Variants in C1S observed in about 807,000 individuals in gnomAD.
C1S encodes complement C1s.
C1S carries 31 observed loss-of-function variants against 54.0 expected under a neutral mutation model. The observed-to-expected ratio is 0.57, with a 90% CI of 0.43 to 0.78. The LOEUF (loss-of-function observed/expected upper bound fraction) is 0.78, where lower values mean the gene tolerates loss of function less well. Ranked by LOEUF, C1S falls within the 30% of genes least tolerant of loss-of-function variation. The probability of loss-of-function intolerance (pLI) is 0.00; values close to 1 mark genes in which losing one functional copy is unlikely to be tolerated. For synonymous variants in C1S, 292 were observed against 303.6 expected, an observed-to-expected ratio of 0.96 and a Z score of 0.40; for missense variants, 727 against 851.8, an observed-to-expected ratio of 0.85 and a Z score of 1.82.
rs1043492835 is a variant in C1S, at chr12:7,070,027, G to A, written c.1443G>A (p.Arg481=). The A allele has an allele frequency of 8.1e-6, 13 of 1,614,044 alleles. No homozygotes were observed. Among genetic ancestry groups the A allele is most frequent in the Non-Finnish European group, 1.1e-5 (13 of 1,180,048 alleles). The change falls in exon 12 of 12, where the codon AGG becomes AGA. Residue 481 remains arginine, a synonymous_variant. Transcript: ENST00000360817. The surrounding 1 kb of genome is among the most constrained non-coding windows in gnomAD (Gnocchi z 4.9). The part of the protein sequence containing the change: ...LTAAHVVEGN[R]EPTMYVGSTS... ...CTGCTCATGTTGTGGAGGGAAACAG[G>A]GAGCCAACAATGTATGTTGGGTCCA...
chr12:7,067,720 A>G lies in C1S; in HGVS notation c.1144A>G (p.Ile382Val). ...AGAGAGCACTTTGTTTGGTTCTGTC[A>G]TCCGCTACACTTGTGAGGAGCCATA... Reference protein sequence around the residue: ...DPESTLFGSVIRYTCEEPYYY... With the variant: ...DPESTLFGSVVRYTCEEPYYY... The change falls in exon 10 of 12, where the codon ATC (isoleucine) becomes GTC (valine). Residue 382 changes from isoleucine to valine, a missense_variant. Physicochemically the swap from Ile to Val is conservative, Grantham distance 29 (BLOSUM62 3). Around this residue, in one of 3 missense-constraint regions of C1S, gnomAD observed 360 missense variants for 453.6 expected, o/e 0.79. Coordinates refer to ENST00000360817, the MANE Select transcript of C1S (RefSeq NM_001734.5). The G allele has an allele frequency of 6.2e-7, 1 of 1,614,096 alleles. No individual in the cohort carries two copies. The highest frequency in any genetic ancestry group is 1.1e-5 in the South Asian group (1 of 91,078).
At position 7,064,247 on chromosome 12, in the gene C1S, CCT is replaced by C. The variant is rs782184867; in HGVS notation, c.392-17_392-16del. On this transcript the variant is annotated intron_variant, in intron 4 of 11. Transcript: ENST00000360817. ...TCTTGGTGTTTGTTCTTGACCTCAG[CCT>C]CTTTCTACTCTTTGTAGACATAAAT... 1 of 1,613,598 alleles carries C rather than the reference CCT, an allele frequency of 6.2e-7. No homozygotes were observed. The highest frequency in any genetic ancestry group is 1.7e-5 in the Admixed American group (1 of 59,998).
intron 1 of C1S, 110 bp from the exon 2 acceptor site, chr12:7,061,729 C>T (rs1343824218): frequency 5.7e-6 from 4 of 704,316 alleles, no homozygotes; most frequent in Non-Finnish European, 1.1e-5. Flanking sequence ...GGTGATATGG[C>T]CCTGTGTGTT....
chr12:7,064,538 G>T, intron 5 of C1S, 146 bp downstream of exon 5: 1 of 731,944 alleles, frequency 1.4e-6, no homozygotes, highest in Non-Finnish European at 2.1e-6. Flanking sequence ...ATTTATTTAT[G>T]TATTATTTTT....
chr12:7,062,707 A>G (rs1947114590), intron 3 of C1S, 25 bp downstream of exon 3: 1 of 1,601,332 alleles, frequency 6.2e-7, no homozygotes, highest in Non-Finnish European at 8.5e-7. Flanking sequence ...CAAAAAGAAT[A>G]GAGATGGAAG....
At position 7,060,828 on chromosome 12, in the gene C1S, A is replaced by T. The variant is rs182087862; in HGVS notation, c.-124A>T. On this transcript the variant is annotated 5_prime_UTR_variant, in exon 1 of 12. Transcript: ENST00000360817. Reference sequence around the variant, plus strand: ...GCCAGAGGGGTTGCCCAGCATGCCCACTGGCAGGAGAGAGGGAACTGACCC... The same window carrying T: ...GCCAGAGGGGTTGCCCAGCATGCCCTCTGGCAGGAGAGAGGGAACTGACCC... The T allele has an allele frequency of 1.3e-5, 2 of 152,458 alleles. No homozygotes were observed. The highest frequency in any genetic ancestry group is 4.8e-5 in the African/African-American group (2 of 41,580). 9.4% of individuals were successfully genotyped at this position (152,458 alleles called of 1,614,324 possible).
intron 4 of C1S, 109 bp from the exon 5 acceptor site, chr12:7,064,158 T>C: frequency 1.8e-6 from 2 of 1,089,232 alleles, no homozygotes; most frequent in Non-Finnish European, 2.8e-6. Flanking sequence ...GACGGATCTT[T>C]AAGCAATAGG....
intron 7 of C1S, chr12:7,066,202 T>TA: frequency 1.6e-6 from 1 of 610,338 alleles, no homozygotes; most frequent in South Asian, 2.0e-5. Context: ...AACAATAATT[T>TA]AAAAAACAGA....
chr12:7,066,089 G>T, intron 7 of C1S, 119 bp downstream of exon 7: 5 of 937,348 alleles, frequency 5.3e-6, no homozygotes, highest in Non-Finnish European at 8.6e-6. Flanking sequence ...GCTACCGAGG[G>T]AGGCTGAGGC....
chr12:7,067,082 A>G lies in C1S; in HGVS notation c.1031A>G (p.Asn344Ser), dbSNP rs1444240040. The G allele has an allele frequency of 6.2e-7, 1 of 1,612,076 alleles. No individual in the cohort carries two copies. The highest frequency in any genetic ancestry group is 1.3e-5 in the African/African-American group (1 of 74,890). ...TCTTTCTATTCGACTTGTCAAAGCA[A>G]TGGAAAGTGGAGTAATTCCAAACTG... ...ATSFYSTCQS[N>S]GKWSNSKLKC... Residue 344 changes from asparagine to serine, a missense_variant, in exon 9 of 12, where the codon AAT becomes AGT. This residue lies in a region of C1S where 360 missense variants were observed against 453.6 expected (regional missense o/e 0.79). Transcript: ENST00000360817.
intron 3 of C1S, 49 bp downstream of exon 3, chr12:7,062,731 T>G: frequency 6.3e-7 from 1 of 1,578,222 alleles, no homozygotes; most frequent in Non-Finnish European, 8.7e-7. Flanking sequence ...AGGGCTAAGG[T>G]AGCGGAATAA....
chr12:7,062,383 T>G, intron 2 of C1S, 92 bp from the exon 3 acceptor site: 3 of 923,392 alleles, frequency 3.2e-6, no homozygotes, highest in Non-Finnish European at 5.3e-6. Context: ...GCCTCTCTTC[T>G]TCCCCCTTTC....
chr12:7,065,048 T>C (rs1404090281), intron 5 of C1S, 52 bp from the exon 6 acceptor site: 1 of 1,437,234 alleles, frequency 7.0e-7, no homozygotes, highest in African/African-American at 1.4e-5. Flanking sequence ...AGTGCAGGAA[T>C]TCCTTTGCTT....
rs782215697 is a variant in C1S, at chr12:7,065,183, A to G, written c.601A>G (p.Arg201Gly). 2 of 1,614,044 alleles carry G rather than the reference A, an allele frequency of 1.2e-6. No individual in the cohort carries two copies. The highest frequency in any genetic ancestry group is 2.2e-5 in the South Asian group (2 of 91,080). Residue 201 changes from arginine to glycine, a missense_variant, in exon 6 of 12, where the codon AGG becomes GGG. Arg to Gly is a moderately radical substitution (Grantham distance 125). Around this residue, in one of 3 missense-constraint regions of C1S, gnomAD observed 357 missense variants for 365.4 expected, o/e 0.98. Coordinates refer to ENST00000360817, the MANE Select transcript of C1S (RefSeq NM_001734.5). ...TCCCAAACCATATCCAGAGAACTCA[A>G]GGTGTGAATACCAGATCCGGTTGGA... is the stretch of plus-strand genomic sequence containing the variant. Reference protein sequence around the residue: ...NYPKPYPENSRCEYQIRLEKG... With the variant: ...NYPKPYPENSGCEYQIRLEKG...
In C1S at chr12:7,062,471, T is replaced by A; in HGVS notation, c.6-4T>A. 1 of 1,611,582 alleles carries A rather than the reference T, an allele frequency of 6.2e-7. No individual in the cohort carries two copies. The highest frequency in any genetic ancestry group is 2.2e-5 in the East Asian group (1 of 44,876). The stretch of plus-strand genomic sequence containing the variant: ...CCCGCCAATCTATGCCTCTGTTTTT[T>A]CAGGTGCATTGTCCTGTTTTCACTT... On this transcript the variant is annotated splice_region_variant and splice_polypyrimidine_tract_variant and intron_variant, in intron 2 of 11. Coordinates refer to ENST00000360817, the MANE Select transcript of C1S (RefSeq NM_001734.5).
intron 1 of C1S, chr12:7,061,621 G>C (rs1371885796): frequency 2.0e-6 from 1 of 506,092 alleles, no homozygotes; most frequent in African/African-American, 1.9e-5. Context: ...AAAGTCTAGA[G>C]AAGCAATGAG....
intron 10 of C1S, 52 bp downstream of exon 10, chr12:7,067,823 G>T: frequency 6.4e-7 from 1 of 1,569,372 alleles, no homozygotes; most frequent in South Asian, 1.1e-5. Flanking sequence ...GGTGTTGGAG[G>T]GTGGATAGCA....
At position 7,061,343 on chromosome 12, in the gene C1S, C is replaced by T. The variant is rs369193142; in HGVS notation, c.-75+466C>T. Reference sequence around the variant, plus strand: ...AGAAGCTCCTGCCTCCATCGGTGGGCGTTGGGAGCATCAGCGGAGATGCAC... The same window carrying T: ...AGAAGCTCCTGCCTCCATCGGTGGGTGTTGGGAGCATCAGCGGAGATGCAC... On this transcript the variant is annotated intron_variant, in intron 1 of 11. Transcript: ENST00000360817. 8 of 173,518 alleles carry T rather than the reference C, an allele frequency of 4.6e-5. No homozygotes were observed. In the East Asian group the frequency reaches 9.0e-4, roughly 20 times the overall value. The allele number at this position is 173,518 out of a possible 1,614,324, so 10.7% of individuals were successfully genotyped here.
intron 4 of C1S, chr12:7,064,039 C>T (rs782341044): frequency 3.4e-6 from 2 of 589,346 alleles, no homozygotes. Context: ...GTCACTTACA[C>T]ACACACACCC....
Sources: gnomAD v4.1 joint callset for allele counts on GRCh38, gnomAD v4.1.1 for gene constraint, gnomAD v4.1.1 regional missense constraint, Gnocchi (gnomAD v3.1) non-coding constraint, MANE v1.5 for transcripts, NCBI Gene and HGNC (gene_info 2026-07-23, HGNC 2026-07-21) for gene names.